Variants in KCNMB2 observed in about 807,000 individuals in gnomAD.
KCNMB2 encodes the protein calcium-activated potassium channel subunit beta-2.
A neutral mutation model predicts 24.5 loss-of-function variants in KCNMB2; 9 were observed. The observed-to-expected ratio is 0.37, with a 90% CI of 0.22 to 0.64. The LOEUF (loss-of-function observed/expected upper bound fraction) is 0.64. Ranked by LOEUF, KCNMB2 falls within the 30% of genes least tolerant of loss-of-function variation. The probability of loss-of-function intolerance (pLI) is 0.63; values close to 1 mark genes in which losing one functional copy is unlikely to be tolerated. For missense variants in KCNMB2, 226 were observed against 284.3 expected (o/e 0.79, Z 1.47); for synonymous variants, 109 against 104.4 (o/e 1.04, Z -0.27).
At chr3:178,576,814 C>T (rs150503711) in intron 1 of KCNMB2, among the ~76,000 whole-genome samples, 191 of 152,350 alleles carry the variant, frequency 1.3e-3, no homozygotes, top group Non-Finnish European at 2.3e-3. Context: ...CTGGGCAGGG[C>T]ATCTCTGAAA....
chr3:178,834,625 A>C (rs1386053003), intron 4 of KCNMB2, among the ~76,000 whole-genome samples: 1 of 152,146 alleles, frequency 6.6e-6, no homozygotes, highest in Admixed American at 6.6e-5. Context: ...AACAGATAGA[A>C]GCTTACCCTG....
At chr3:178,741,628 C>T (rs1232584196) in intron 1 of KCNMB2, among the ~76,000 whole-genome samples, 6 of 152,148 alleles carry the variant, frequency 3.9e-5, no homozygotes, top group Admixed American at 2.6e-4. Context: ...GACATTGATC[C>T]TCTCCAGGCT....
Position 178,662,783 on chromosome 3 carries a change from C to T in KCNMB2, c.-68+126072C>T, listed in dbSNP as rs889187699. Reference sequence around the variant, plus strand: ...AATTATAACTAATATTTATTCATTACTTATGCTAAGATCTCTAAATGGATT... The same window carrying T: ...AATTATAACTAATATTTATTCATTATTTATGCTAAGATCTCTAAATGGATT... On this transcript the variant is annotated intron_variant, in intron 1 of 4. Coordinates refer to ENST00000452583, the MANE Select transcript of KCNMB2 (RefSeq NM_181361.3). 5.9e-5 allele frequency among the ~76,000 whole-genome samples: 9 copies of T among 151,802 alleles called. 1 individual carries two copies. The highest frequency in any genetic ancestry group is 4.4e-5 in the Non-Finnish European group (3 of 67,968).
At chr3:178,614,247 T>TATATATA (rs1718600421) in intron 1 of KCNMB2, among the ~76,000 whole-genome samples, 1 of 53,466 alleles carries the variant, frequency 1.9e-5, no homozygotes, top group Non-Finnish European at 3.6e-5. Context: ...TGGGCTAATT[T>TATATATA]TATATATATA....
chr3:178,655,026 T>G, intron 1 of KCNMB2, among the ~76,000 whole-genome samples: 1 of 150,286 alleles, frequency 6.7e-6, no homozygotes, highest in Non-Finnish European at 1.5e-5. Flanking sequence ...AGAGCAGTCA[T>G]GAGAATTAAA....
intron 1 of KCNMB2, among the ~76,000 whole-genome samples, chr3:178,662,733 TATA>T (rs938550695): frequency 1.1e-4 from 16 of 152,156 alleles, no homozygotes; most frequent in Non-Finnish European, 2.1e-4. Flanking sequence ...GATTTTTAAT[TATA>T]ATAATTCCTG....
At chr3:178,763,824 G>A (rs989617574) in intron 1 of KCNMB2, among the ~76,000 whole-genome samples, 1 of 152,080 alleles carries the variant, frequency 6.6e-6, no homozygotes, top group African/African-American at 2.4e-5. Flanking sequence ...GTCATTTACT[G>A]GTGGCATGCC....
At chr3:178,625,334 A>AC (rs906229717) in intron 1 of KCNMB2, among the ~76,000 whole-genome samples, 4 of 151,404 alleles carry the variant, frequency 2.6e-5, no homozygotes, top group African/African-American at 4.9e-5. Flanking sequence ...CAGGAGCTGG[A>AC]CCCCCCCACC....
intron 1 of KCNMB2, among the ~76,000 whole-genome samples, chr3:178,573,965 GA>G (rs1716902070): frequency 6.6e-6 from 1 of 152,114 alleles, no homozygotes; most frequent in Non-Finnish European, 1.5e-5. Context: ...AGGAAATAAA[GA>G]AACTTCACAG....
intron 1 of KCNMB2, among the ~76,000 whole-genome samples, chr3:178,563,467 A>C (rs1420948447): frequency 6.6e-6 from 1 of 152,152 alleles, no homozygotes; most frequent in Non-Finnish European, 1.5e-5. Flanking sequence ...GGAGACTACC[A>C]GGGTCCAGGC....
At chr3:178,836,523 G>A (rs1715236968) in intron 4 of KCNMB2, among the ~76,000 whole-genome samples, 1 of 152,092 alleles carries the variant, frequency 6.6e-6, no homozygotes, top group African/African-American at 2.4e-5. Context: ...AAGAATCTAA[G>A]GATTGGGAAA....
intron 1 of KCNMB2, among the ~76,000 whole-genome samples, chr3:178,649,853 T>C (rs1720047548): frequency 6.6e-6 from 1 of 152,024 alleles, no homozygotes; most frequent in Admixed American, 6.6e-5. Flanking sequence ...TCAGTTCTGC[T>C]CTGAGCTTAG....
In KCNMB2 at chr3:178,558,170, A is replaced by G. The variant is rs964485766; in HGVS notation, c.-68+21459A>G. On this transcript the variant is annotated intron_variant, in intron 1 of 4. Transcript: ENST00000452583. ...TCTTATGACTAGTGTGAAGTTTCCCATTTTAACCCAAGTCAATTTTAAATT... is the reference window on the plus strand; with the variant it reads ...TCTTATGACTAGTGTGAAGTTTCCCGTTTTAACCCAAGTCAATTTTAAATT... 2.3e-5 allele frequency among the ~76,000 whole-genome samples: 3 copies of G among 129,740 alleles called. No homozygotes were observed. The Admixed American group carries it at 2.4e-4, about 10-fold the overall frequency. 85.1% of individuals were successfully genotyped at this position (129,740 alleles called of 152,430 possible).
chr3:178,625,686 C>T (rs935623889), intron 1 of KCNMB2, among the ~76,000 whole-genome samples: 1 of 152,166 alleles, frequency 6.6e-6, no homozygotes, highest in East Asian at 1.9e-4. Context: ...CAAATACTAA[C>T]CCTTCACCTA....
chr3:178,558,439 T>C lies in KCNMB2; in HGVS notation c.-68+21728T>C, dbSNP rs1716200034. On this transcript the variant is annotated intron_variant, in intron 1 of 4. Transcript: ENST00000452583. ...GATAGGAGCTGCAATTCTCTGGGCC[T>C]GGGGTTTTTTAAATCTGTAAAACAA... 3.3e-5 allele frequency among the ~76,000 whole-genome samples: 5 copies of C among 152,188 alleles called. No individual in the cohort carries two copies. In the South Asian group the frequency reaches 8.3e-4, roughly 25 times the overall value.
At chr3:178,782,638 G>C (rs1712908156) in intron 1 of KCNMB2, among the ~76,000 whole-genome samples, 1 of 147,180 alleles carries the variant, frequency 6.8e-6, no homozygotes, top group Non-Finnish European at 1.5e-5. Context: ...TGATGGGGTT[G>C]TTTGTTTTTT....
intron 2 of KCNMB2, among the ~76,000 whole-genome samples, chr3:178,822,663 G>T (rs1251055684): frequency 6.6e-6 from 1 of 152,212 alleles, no homozygotes; most frequent in African/African-American, 2.4e-5. Flanking sequence ...TTGCTGGGTA[G>T]TATCCTGATT....
Position 178,758,081 on chromosome 3 carries a change from TACACAAGAGGATATATATATATAC to T in KCNMB2, c.-67-49241_-67-49218del, listed in dbSNP as rs1560006533. On this transcript the variant is annotated intron_variant, in intron 1 of 4. Coordinates refer to ENST00000452583, the MANE Select transcript of KCNMB2 (RefSeq NM_181361.3). ...ATATCTCCAAGAGGATATATATATA[TACACAAGAGGATATATATATATAC>T]ACACAAGAGGATATATATATGTACA... is the stretch of plus-strand genomic sequence containing the variant. Among the ~76,000 whole-genome samples, 65 of 80,240 alleles carry T rather than the reference TACACAAGAGGATATATATATATAC, an allele frequency of 8.1e-4. 1 individual carries two copies. The highest frequency in any genetic ancestry group is 2.0e-3 in the South Asian group (5 of 2,512). The allele number at this position is 80,240 out of a possible 152,430, so 52.6% of individuals were successfully genotyped here.
Position 178,621,994 on chromosome 3 carries a change from A to G in KCNMB2, c.-68+85283A>G, listed in dbSNP as rs1718940746. On this transcript the variant is annotated intron_variant, in intron 1 of 4. Coordinates refer to ENST00000452583, the MANE Select transcript of KCNMB2 (RefSeq NM_181361.3). ...TTACTAGCTGTGAAATCCCTCAAGC[A>G]AGTTGTTTAAGCTCTCTGGGGCTAA... Among the ~76,000 whole-genome samples the G allele has an allele frequency of 2.0e-5, 3 of 152,182 alleles. 1 individual carries two copies. Among genetic ancestry groups the G allele is most frequent in the Admixed American group, 2.0e-4 (3 of 15,278 alleles).
Sources: gnomAD v4.1 joint callset for allele counts (sites outside exome capture counted in the v4.1 genomes callset) on GRCh38, gnomAD v4.1.1 for gene constraint, MANE v1.5 for transcripts, NCBI Gene and HGNC (gene_info 2026-07-23, HGNC 2026-07-21) for gene names.